Variants in PTPRO observed in about 807,000 individuals in gnomAD.
The protein encoded by PTPRO is receptor-type tyrosine-protein phosphatase O.
A neutral mutation model predicts 145.2 loss-of-function variants in PTPRO; 62 were observed. That is an observed-to-expected ratio of 0.43 (90% CI 0.35 to 0.53). The LOEUF is 0.53. Among genes scored for constraint, PTPRO ranks in the 20% least tolerant of loss-of-function variants. The probability of loss-of-function intolerance (pLI) is 0.01; values close to 1 mark genes in which losing one functional copy is unlikely to be tolerated. For synonymous variants in PTPRO, 565 were observed against 514.7 expected, an observed-to-expected ratio of 1.10 and a Z score of -1.32; for missense variants, 1,345 against 1,482.7, an observed-to-expected ratio of 0.91 and a Z score of 1.53.
intron 1 of PTPRO, among the ~76,000 whole-genome samples, chr12:15,400,459 T>C (rs1939461110): frequency 1.3e-5 from 2 of 152,216 alleles, no homozygotes; most frequent in South Asian, 4.1e-4. Flanking sequence ...GTCATTCCCA[T>C]GTCAGTGGCT....
chr12:15,571,224 C>T (rs925235322), intron 19 of PTPRO, among the ~76,000 whole-genome samples: 5 of 152,172 alleles, frequency 3.3e-5, no homozygotes, highest in African/African-American at 1.2e-4. Context: ...AGAAACGCAG[C>T]CAGAGAGGGC....
intron 1 of PTPRO, among the ~76,000 whole-genome samples, chr12:15,478,078 C>T (rs1267346575): frequency 6.6e-6 from 1 of 152,112 alleles, no homozygotes; most frequent in Non-Finnish European, 1.5e-5. Flanking sequence ...TTTTTCACAC[C>T]CACTATTGAT....
At chr12:15,379,728 T>G (rs939929432) in intron 1 of PTPRO, among the ~76,000 whole-genome samples, 4 of 152,194 alleles carry the variant, frequency 2.6e-5, no homozygotes, top group South Asian at 2.1e-4. Context: ...ATAGGCAAAT[T>G]TATACAAACC....
intron 12 of PTPRO, among the ~76,000 whole-genome samples, chr12:15,529,044 C>T (rs186797605): frequency 1.7e-4 from 26 of 152,148 alleles, no homozygotes; most frequent in African/African-American, 6.3e-4. Context: ...AAGACACATG[C>T]GAAAAGAAAA....
chr12:15,508,677 G>T lies in PTPRO; in HGVS notation c.1374G>T (p.Glu458Asp). 1 of 1,614,122 alleles carries T rather than the reference G, an allele frequency of 6.2e-7. No homozygotes were observed. Among genetic ancestry groups the T allele is most frequent in the East Asian group, 2.2e-5 (1 of 44,866 alleles). ...TALMSWTSSQ[E>D]NYNSTIVSVV... ...TGATGTCCTGGACATCTTCCCAAGA[G>T]AACTACAACAGCACCATTGTGTCTG... The change falls in exon 7 of 27, where the codon GAG becomes GAT. Residue 458 changes from glutamate (E) to aspartate (D), a missense_variant. This residue lies in a region of PTPRO where 1,130 missense variants were observed against 1,214.7 expected (regional missense o/e 0.93). Transcript: ENST00000281171.
chr12:15,353,371 C>A (rs936559868), intron 1 of PTPRO, among the ~76,000 whole-genome samples: 1 of 151,554 alleles, frequency 6.6e-6, no homozygotes, highest in African/African-American at 2.4e-5. Flanking sequence ...TTAGTCTGTC[C>A]CTAAAGAACT....
chr12:15,335,566 T>C (rs1012667303), intron 1 of PTPRO, among the ~76,000 whole-genome samples: 5 of 152,116 alleles, frequency 3.3e-5, no homozygotes, highest in African/African-American at 1.2e-4. Context: ...TCAAAGTGGT[T>C]AGATACTTGA....
At chr12:15,478,649 G>C (rs1036712516) in intron 1 of PTPRO, among the ~76,000 whole-genome samples, 1 of 152,094 alleles carries the variant, frequency 6.6e-6, no homozygotes, top group Non-Finnish European at 1.5e-5. Context: ...GGCAAAAGGA[G>C]GTTAGAGTAG....
At chr12:15,461,595 A>G (rs1420211308) in intron 1 of PTPRO, among the ~76,000 whole-genome samples, 3 of 122,268 alleles carry the variant, frequency 2.5e-5, no homozygotes, top group Admixed American at 2.1e-4. Context: ...TTTTGACAGA[A>G]TCTCGCTCTG....
chr12:15,483,670 C>T (rs1241035402), intron 1 of PTPRO, among the ~76,000 whole-genome samples: 1 of 152,064 alleles, frequency 6.6e-6, no homozygotes, highest in Non-Finnish European at 1.5e-5. Flanking sequence ...ATTTACTCCT[C>T]CACAGGATGT....
At chr12:15,352,105 G>C (rs761473743) in intron 1 of PTPRO, among the ~76,000 whole-genome samples, 27 of 152,186 alleles carry the variant, frequency 1.8e-4, no homozygotes, top group Non-Finnish European at 3.5e-4. Context: ...ACTCTTGGCT[G>C]TTGCCCAGTG....
chr12:15,353,845 T>C (rs2136234188), intron 1 of PTPRO, among the ~76,000 whole-genome samples: 1 of 152,322 alleles, frequency 6.6e-6, no homozygotes, highest in African/African-American at 2.4e-5. Context: ...TCTGCTTTGT[T>C]TTCAGGATCA....
chr12:15,532,996 G>T (rs186071837), intron 12 of PTPRO, among the ~76,000 whole-genome samples: 1 of 152,174 alleles, frequency 6.6e-6, no homozygotes, highest in Non-Finnish European at 1.5e-5. Context: ...GCATTTAGTG[G>T]GCCTATTGGA....
At chr12:15,413,779 C>A (rs535928111) in intron 1 of PTPRO, among the ~76,000 whole-genome samples, 1 of 151,996 alleles carries the variant, frequency 6.6e-6, no homozygotes, top group Non-Finnish European at 1.5e-5. Context: ...CGTGCTACGG[C>A]GCTCCAGCCT....
In PTPRO at chr12:15,586,797, A is replaced by G. The variant is rs959201082; in HGVS notation, c.3256-100A>G. 3.0e-6 allele frequency: 4 copies of G among 1,339,264 alleles called. No individual in the cohort carries two copies. The African/African-American group carries it at 5.8e-5, about 19-fold the overall frequency. 83.0% of individuals were successfully genotyped at this position (1,339,264 alleles called of 1,614,324 possible). A position where few individuals can be genotyped will look rare whatever the true frequency, so the allele number is the denominator to read the frequency against. ...GGAAAGTGTACTGACCAGGAGTGGA[A>G]CGTGGCTCTACCTTTTTGCATGCTT... On this transcript the variant is annotated intron_variant, in intron 23 of 26. Coordinates refer to ENST00000281171, the MANE Select transcript of PTPRO (RefSeq NM_030667.3).
At chr12:15,525,802 G>A (rs1003331230) in intron 11 of PTPRO, among the ~76,000 whole-genome samples, 7 of 152,138 alleles carry the variant, frequency 4.6e-5, no homozygotes, top group Non-Finnish European at 1.0e-4. Flanking sequence ...TCTTTTGAAC[G>A]TCTTAGAATG....
chr12:15,427,298 G>A lies in PTPRO; in HGVS notation c.76-56676G>A, dbSNP rs1340707241. Among the ~76,000 whole-genome samples the A allele has an allele frequency of 4.0e-5, 6 of 151,850 alleles. No homozygotes were observed. In the East Asian group the frequency reaches 1.2e-3, roughly 29 times the overall value. The stretch of plus-strand genomic sequence containing the variant: ...GTCTTTTATGCCTCATGTTTTGGGA[G>A]TTTATCTTCACCCACATTAATTTTA... On this transcript the variant is annotated intron_variant, in intron 1 of 26. Coordinates refer to ENST00000281171, the MANE Select transcript of PTPRO (RefSeq NM_030667.3).
intron 1 of PTPRO, among the ~76,000 whole-genome samples, chr12:15,468,992 G>A (rs1033994274): frequency 2.6e-5 from 4 of 152,190 alleles, no homozygotes. Context: ...GAGTTAAAGG[G>A]CAGTGCTTAC....
At chr12:15,425,526 C>T (rs1038657692) in intron 1 of PTPRO, among the ~76,000 whole-genome samples, 4 of 152,080 alleles carry the variant, frequency 2.6e-5, no homozygotes, top group African/African-American at 7.2e-5. Flanking sequence ...TTAAACAAGG[C>T]CTTGCCCAGC....
Sources: gnomAD v4.1 joint callset for allele counts (sites outside exome capture counted in the v4.1 genomes callset) on GRCh38, gnomAD v4.1.1 for gene constraint, gnomAD v4.1.1 regional missense constraint, MANE v1.5 for transcripts, NCBI Gene and HGNC (gene_info 2026-07-23, HGNC 2026-07-21) for gene names.